The following ADGRG6 variants were observed in gnomAD, a reference collection of about 807,000 sequenced individuals.
ADGRG6 encodes the protein adhesion G protein-coupled receptor G6.
A neutral mutation model predicts 142.4 loss-of-function variants in ADGRG6; 84 were observed. That is an observed-to-expected ratio of 0.59 (90% CI 0.49 to 0.71). The LOEUF is 0.71. Among genes scored for constraint, ADGRG6 ranks in the 30% least tolerant of loss-of-function variants. ADGRG6 has a pLI of 0.00. For synonymous variants in ADGRG6, 521 were observed against 520.5 expected (o/e 1.00, Z -0.01); for missense variants, 1,367 against 1,466.6 (o/e 0.93, Z 1.11).
rs372190391 is a variant in ADGRG6, at chr6:142,390,243, A to G, written c.1223-15A>G. ...AACATATAATTAATGGACTAATCCTATTTCCAATGGGCAGATGGAATTATC... is the reference window on the plus strand; with the variant it reads ...AACATATAATTAATGGACTAATCCTGTTTCCAATGGGCAGATGGAATTATC... On this transcript the variant is annotated splice_polypyrimidine_tract_variant and intron_variant, in intron 6 of 24. Transcript: ENST00000367609. The G allele has an allele frequency of 8.4e-5, 116 of 1,380,074 alleles. No individual in the cohort carries two copies. In the African/African-American group the frequency reaches 1.3e-3, roughly 15 times the overall value. The allele number at this position is 1,380,074 out of a possible 1,614,324, so 85.5% of individuals were successfully genotyped here. A position where few individuals can be genotyped will look rare whatever the true frequency, so the allele number is the denominator to read the frequency against.
chr6:142,420,105 GT>G lies in ADGRG6; in HGVS notation c.3319+2del. The G allele has an allele frequency of 6.2e-7, 1 of 1,608,168 alleles. No homozygotes were observed. The highest frequency in any genetic ancestry group is 8.5e-7 in the Non-Finnish European group (1 of 1,175,334). On this transcript the variant is annotated splice_donor_variant, in intron 22 of 24. Transcript: ENST00000367609. LOFTEE classifies it high-confidence loss of function. Reference sequence around the variant, plus strand: ...TTCTCCATCTTCAATTCATTACAAGGTAAGATAAATTGTACATGAATAGTCT... The same window carrying G: ...TTCTCCATCTTCAATTCATTACAAGGAAGATAAATTGTACATGAATAGTCT...
At chr6:142,391,703 G>A (rs915756723) in intron 7 of ADGRG6, among the ~76,000 whole-genome samples, 2 of 151,750 alleles carry the variant, frequency 1.3e-5, no homozygotes, top group Non-Finnish European at 3.0e-5. Context: ...AATACTAGGA[G>A]ATGTTTAACC....
chr6:142,415,878 G>C lies in ADGRG6; in HGVS notation c.2752G>C (p.Asp918His). 1.2e-6 allele frequency: 2 copies of C among 1,613,090 alleles called. No individual in the cohort carries two copies. The highest frequency in any genetic ancestry group is 1.7e-6 in the Non-Finnish European group (2 of 1,179,246). The change falls in exon 20 of 25, where the codon GAT becomes CAT. Residue 918 changes from aspartate (D) to histidine (H), a missense_variant. This residue lies in a region of ADGRG6 where 286 missense variants were observed against 371.4 expected (regional missense o/e 0.77). Transcript: ENST00000367609. ...GTTCCTGAATCTCCTCTTCCTCCTA[G>C]ATGGCTGGATCACCTCCTTCAATGT... The part of the protein sequence containing the change: ...LLFLNLLFLL[D>H]GWITSFNVDG...
At chr6:142,394,147 T>A (rs1009951742) in intron 9 of ADGRG6, among the ~76,000 whole-genome samples, 189 bp downstream of exon 9, 2 of 152,148 alleles carry the variant, frequency 1.3e-5, no homozygotes, top group African/African-American at 4.8e-5. Context: ...TGGGTAGTAA[T>A]GTATATCCAA....
At chr6:142,413,899 TCACACACACACACACA>T (rs112923600) in intron 18 of ADGRG6, among the ~76,000 whole-genome samples, 3 of 141,394 alleles carry the variant, frequency 2.1e-5, no homozygotes, top group Admixed American at 1.4e-4. Context: ...CATTTCTTTA[TCACACACACACACACA>T]CACACACACA....
chr6:142,327,480 C>T (rs1778834774), intron 2 of ADGRG6, among the ~76,000 whole-genome samples: 1 of 151,994 alleles, frequency 6.6e-6, no homozygotes, highest in African/African-American at 2.4e-5. Context: ...GGCTGAACAT[C>T]GTTATTCAAT....
intron 22 of ADGRG6, among the ~76,000 whole-genome samples, chr6:142,432,030 C>G (rs757547666): frequency 6.6e-6 from 1 of 152,078 alleles, no homozygotes; most frequent in African/African-American, 2.4e-5. Context: ...CTTCTGACAC[C>G]GAGATCTATA....
chr6:142,403,905 T>C lies in ADGRG6; in HGVS notation c.2059T>C (p.Leu687=). Residue 687 remains leucine (L), a synonymous_variant, in exon 14 of 25, where the codon TTA becomes CTA. Transcript: ENST00000367609. ...RNLALSVSSL[L]PGTNAISNFS... Reference sequence around the variant, plus strand: ...CTTGGCTCTCAGCGTATCATCCCTGTTACCAGGGACAAATGCAATTTCAAA... The same window carrying C: ...CTTGGCTCTCAGCGTATCATCCCTGCTACCAGGGACAAATGCAATTTCAAA... 6.2e-7 allele frequency: 1 copy of C among 1,602,522 alleles called. No homozygotes were observed. The highest frequency in any genetic ancestry group is 2.2e-5 in the East Asian group (1 of 44,834).
intron 2 of ADGRG6, among the ~76,000 whole-genome samples, chr6:142,314,491 A>G (rs1250937794): frequency 6.6e-6 from 1 of 152,194 alleles, no homozygotes; most frequent in African/African-American, 2.4e-5. Flanking sequence ...AAGCTATCTG[A>G]GGAATTTTTG....
chr6:142,332,963 T>C (rs1779133140), intron 2 of ADGRG6, among the ~76,000 whole-genome samples: 1 of 152,200 alleles, frequency 6.6e-6, no homozygotes, highest in African/African-American at 2.4e-5. Context: ...CTAGGAAATA[T>C]ACTGAGCGTA....
At position 142,370,461 on chromosome 6, in the gene ADGRG6, T is replaced by C; in HGVS notation, c.737T>C (p.Phe246Ser). Residue 246 changes from phenylalanine to serine, a missense_variant, in exon 4 of 25, where the codon TTT becomes TCT. By Grantham distance (155) the Phe-to-Ser change is radical. Coordinates refer to ENST00000367609, the MANE Select transcript of ADGRG6 (RefSeq NM_198569.3). Reference protein sequence around the residue: ...ALPVKEKEDIFAESFEQLCLV... With the variant: ...ALPVKEKEDISAESFEQLCLV... Reference sequence around the variant, plus strand: ...CCTGTCAAAGAAAAAGAAGACATTTTTGCAGAAAGCTTTGAACAGCTCTGC... The same window carrying C: ...CCTGTCAAAGAAAAAGAAGACATTTCTGCAGAAAGCTTTGAACAGCTCTGC... The C allele has an allele frequency of 6.2e-7, 1 of 1,613,502 alleles. No homozygotes were observed. The highest frequency in any genetic ancestry group is 8.5e-7 in the Non-Finnish European group (1 of 1,179,440).
chr6:142,368,626 C>CT (rs912430149), intron 3 of ADGRG6, among the ~76,000 whole-genome samples: 3 of 151,618 alleles, frequency 2.0e-5, no homozygotes, highest in East Asian at 1.9e-4. Context: ...TTTAGTTATA[C>CT]TTTTTTTTCT....
intron 2 of ADGRG6, among the ~76,000 whole-genome samples, chr6:142,359,404 C>G (rs1174446977): frequency 3.3e-5 from 5 of 152,014 alleles, no homozygotes; most frequent in Non-Finnish European, 7.4e-5. Context: ...ACACGATGCT[C>G]CAGCTGAACT....
At chr6:142,396,794 C>T (rs1276744834) in intron 9 of ADGRG6, among the ~76,000 whole-genome samples, 1 of 152,146 alleles carries the variant, frequency 6.6e-6, no homozygotes, top group African/African-American at 2.4e-5. Context: ...AATAATGTTA[C>T]TTACTTTTAC....
At position 142,318,375 on chromosome 6, in the gene ADGRG6, T is replaced by TA. The variant is rs1252062391; in HGVS notation, c.103+8731_103+8732insA. Among the ~76,000 whole-genome samples, 358 of 104,680 alleles carry TA rather than the reference T, an allele frequency of 3.4e-3. 4 individuals are homozygous for TA. Among genetic ancestry groups the TA allele is most frequent in the African/African-American group, 0.014 (348 of 24,852 alleles). 68.7% of individuals were successfully genotyped at this position (104,680 alleles called of 152,430 possible). A position where few individuals can be genotyped will look rare whatever the true frequency, so the allele number is the denominator to read the frequency against. ...TATATTATATAATATTTATATATAT[T>TA]TATATATTTATATATTATATGTAAT... is the stretch of plus-strand genomic sequence containing the variant. On this transcript the variant is annotated intron_variant, in intron 2 of 24. Coordinates refer to ENST00000367609, the MANE Select transcript of ADGRG6 (RefSeq NM_198569.3).
chr6:142,429,253 A>C (rs1777097038), intron 22 of ADGRG6, among the ~76,000 whole-genome samples: 1 of 152,236 alleles, frequency 6.6e-6, no homozygotes, highest in South Asian at 2.1e-4. Context: ...AATATGCCAA[A>C]TATCAATGAA....
At position 142,367,586 on chromosome 6, in the gene ADGRG6, T is replaced by C; in HGVS notation, c.121T>C (p.Cys41Arg). Residue 41 changes from cysteine to arginine, a missense_variant, in exon 3 of 25, where the codon TGC becomes CGC. Cys to Arg is a radical substitution (Grantham distance 180). This residue lies in a region of ADGRG6 where 737 missense variants were observed against 746.5 expected (regional missense o/e 0.99). Coordinates refer to ENST00000367609, the MANE Select transcript of ADGRG6 (RefSeq NM_198569.3). ...VPHSVWGCANCRVVLSNPSGT... is the reference protein window; with the variant it reads ...VPHSVWGCANRRVVLSNPSGT... Reference sequence around the variant, plus strand: ...GCCAGCAGTGTGGGGATGTGCCAACTGCCGAGTGGTTTTGTCCAACCCTTC... The same window carrying C: ...GCCAGCAGTGTGGGGATGTGCCAACCGCCGAGTGGTTTTGTCCAACCCTTC... 1 of 1,613,462 alleles carries C rather than the reference T, an allele frequency of 6.2e-7. No individual in the cohort carries two copies. Among genetic ancestry groups the C allele is most frequent in the Non-Finnish European group, 8.5e-7 (1 of 1,179,550 alleles).
intron 9 of ADGRG6, among the ~76,000 whole-genome samples, chr6:142,396,511 C>T (rs1266600158): frequency 6.6e-6 from 1 of 152,126 alleles, no homozygotes; most frequent in Non-Finnish European, 1.5e-5. Context: ...CATATTCCTT[C>T]TTATTTTTTA....
rs145121350 is a variant in ADGRG6, at chr6:142,413,383, T to G, written c.2542-1586T>G. Among the ~76,000 whole-genome samples the G allele has an allele frequency of 1.6e-3, 239 of 152,330 alleles. 6 individuals carry two copies. The East Asian group carries it at 0.037, about 24-fold the overall frequency. ...ATTTAATGTCTTCTGCTACATTTCT[T>G]TGTACTAAAACTGGCTTTCATGAAG... On this transcript the variant is annotated intron_variant, in intron 18 of 24. Coordinates refer to ENST00000367609, the MANE Select transcript of ADGRG6 (RefSeq NM_198569.3).
Sources: allele counts gnomAD v4.1 joint callset (sites outside exome capture counted in the v4.1 genomes callset), GRCh38; gene constraint gnomAD v4.1.1; regional missense constraint gnomAD v4.1.1; transcripts MANE v1.5; gene names NCBI Gene and HGNC (gene_info 2026-07-23, HGNC 2026-07-21).